The following MYH7B variants were observed in gnomAD, a reference collection of about 807,000 sequenced individuals.
The protein encoded by MYH7B is myosin heavy chain 7B.
Under a neutral mutation model 234.5 loss-of-function variants are expected in MYH7B, and 205 were observed. That is an observed-to-expected ratio of 0.87 (90% CI 0.78 to 0.98). The LOEUF (loss-of-function observed/expected upper bound fraction) is 0.98, where lower values mean the gene tolerates loss of function less well. Ranked by LOEUF, MYH7B falls within the 50% of genes least tolerant of loss-of-function variation. The pLI, the probability that MYH7B is intolerant of heterozygous loss-of-function variation, is 0.00. For missense variants in MYH7B, 2,652 were observed against 2,633.4 expected (o/e 1.01, Z -0.15); for synonymous variants, 1,193 against 1,105.0 (o/e 1.08, Z -1.58).
rs376994482 is a variant in MYH7B at position 34,993,071 on chromosome 20, T to C, written c.2184-31T>C. On this transcript the variant is annotated intron_variant, in intron 24 of 44. Coordinates refer to ENST00000262873, the Ensembl canonical transcript of MYH7B. ...GTGGCCTGTGCCCCATACCCAGCCC[T>C]CTCCTGACCAGCTCTGCCCTCCTTT... The C allele has an allele frequency of 1.8e-4, 288 of 1,598,644 alleles. No homozygotes were observed. In the African/African-American group the frequency reaches 3.4e-3, roughly 19 times the overall value.
chr20:34,991,175 G>C, intron 24 of MYH7B, 54 bp downstream of exon 24: 1 of 1,303,534 alleles, frequency 7.7e-7, no homozygotes, highest in Non-Finnish European at 1.1e-6. Flanking sequence ...TGAGGGGCTG[G>C]GCAGGACACA....
At chr20:35,002,426 T>TAATA (rs2082412595) in exon 45 of MYH7B, 2 of 414,490 alleles carry the variant, frequency 4.8e-6, no homozygotes, top group South Asian at 2.0e-4. Flanking sequence ...TAAAGTTATT[T>TAATA]AATAGTCTCC....
At chr20:34,977,775 C>G in intron 4 of MYH7B, 95 bp downstream of exon 4, 1 of 1,506,558 alleles carries the variant, frequency 6.6e-7, no homozygotes, top group East Asian at 2.3e-5. Flanking sequence ...TCTTCTGAAT[C>G]TGGAGTGGAG....
chr20:34,978,721 G>A (rs937158618), intron 5 of MYH7B, among the ~76,000 whole-genome samples: 13 of 152,136 alleles, frequency 8.5e-5, no homozygotes, highest in African/African-American at 2.2e-4. Flanking sequence ...TGCTGTTGCC[G>A]TCTTGAAAGT....
intron 2 of MYH7B, among the ~76,000 whole-genome samples, chr20:34,970,144 G>A (rs569763825): frequency 1.5e-4 from 23 of 152,278 alleles, no homozygotes; most frequent in Middle Eastern, 3.4e-3. Context: ...CTTGAGACAT[G>A]TTGAGACTCA....
At chr20:34,967,441 G>A (rs1047585072) in intron 2 of MYH7B, among the ~76,000 whole-genome samples, 1 of 151,892 alleles carries the variant, frequency 6.6e-6, no homozygotes, top group East Asian at 1.9e-4. Flanking sequence ...AATATAGAGC[G>A]GTGGTACCCT....
intron 2 of MYH7B, among the ~76,000 whole-genome samples, chr20:34,974,029 A>T (rs1398839292): frequency 1.1e-4 from 16 of 148,880 alleles, no homozygotes; most frequent in Non-Finnish European, 1.8e-4. Flanking sequence ...GGTTCAAGTG[A>T]TTCTCCTGCC....
rs1357429722 is a variant in MYH7B at position 34,984,052 on chromosome 20, C to CA, written c.625-639dup. ...GGCGTCCAGGCGGCAGGATGCTGGG[C>CA]ACCTGCCCTGCCGCTCCTGACTTGC... On this transcript the variant is annotated intron_variant, in intron 10 of 44. Coordinates refer to ENST00000262873, the Ensembl canonical transcript of MYH7B. Among the ~76,000 whole-genome samples the CA allele has an allele frequency of 2.6e-5, 4 of 152,332 alleles. No homozygotes were observed. The East Asian group carries it at 7.7e-4, about 29-fold the overall frequency.
chr20:34,992,110 G>T (rs1178014793), intron 24 of MYH7B, among the ~76,000 whole-genome samples: 1 of 152,214 alleles, frequency 6.6e-6, no homozygotes, highest in African/African-American at 2.4e-5. Flanking sequence ...AATGGGCTGG[G>T]CGCGGTGGCT....
chr20:34,994,076 C>A, intron 26 of MYH7B, 70 bp from the exon 27 acceptor site: 1 of 1,565,882 alleles, frequency 6.4e-7, no homozygotes, highest in Non-Finnish European at 8.7e-7. Context: ...AACAAGTGAA[C>A]TGTGCTGAGT....
At chr20:34,977,729 GGCGGGTGGGTGA>G in intron 4 of MYH7B, 49 bp downstream of exon 4, 1 of 1,391,544 alleles carries the variant, frequency 7.2e-7, no homozygotes, top group Non-Finnish European at 9.9e-7. Flanking sequence ...CAGGAGGGTG[GGCGGGTGGGTGA>G]GGGTGCCCAT....
At chr20:34,990,533 A>T in intron 22 of MYH7B, 1 of 820,306 alleles carries the variant, frequency 1.2e-6, no homozygotes, top group Non-Finnish European at 2.2e-6. Flanking sequence ...GGGCTCTGGG[A>T]GGGACGGGGA....
Position 34,996,330 on chromosome 20 carries a change from C to T in MYH7B, c.2944-16C>T. 1.3e-6 allele frequency: 2 copies of T among 1,567,588 alleles called. No individual in the cohort carries two copies. The highest frequency in any genetic ancestry group is 2.4e-5 in the East Asian group (1 of 42,102). On this transcript the variant is annotated splice_polypyrimidine_tract_variant and intron_variant, in intron 28 of 44. Transcript: ENST00000262873. ...CGGGGAAGGGCGTCCCCATTCTGGCCCTGGCCCTGGCACAGGTGAAGAACC... is the reference window on the plus strand; with the variant it reads ...CGGGGAAGGGCGTCCCCATTCTGGCTCTGGCCCTGGCACAGGTGAAGAACC...
chr20:34,999,212 G>A, exon 36 of MYH7B: 1 of 1,612,270 alleles, frequency 6.2e-7, no homozygotes, highest in South Asian at 1.1e-5. Flanking sequence ...CTGCTGCGCT[G>A]GACAAGAAGC....
At position 34,990,975 on chromosome 20, in the gene MYH7B, C is replaced by G. The variant is rs138164961; in HGVS notation, c.2066-29C>G. ...TGGGGCCTGCGGGTGTGCCTGTTGACCTCTGACCTTTTCCCCTCTCACGTC... is the reference window on the plus strand; with the variant it reads ...TGGGGCCTGCGGGTGTGCCTGTTGAGCTCTGACCTTTTCCCCTCTCACGTC... On this transcript the variant is annotated intron_variant, in intron 23 of 44. Coordinates refer to ENST00000262873, the Ensembl canonical transcript of MYH7B. The G allele has an allele frequency of 7.0e-4, 1,110 of 1,595,352 alleles. 9 individuals carry two copies. The African/African-American group carries it at 0.013, about 19-fold the overall frequency.
chr20:34,994,378 G>A (rs1417878059), exon 27 of MYH7B: 2 of 1,588,578 alleles, frequency 1.3e-6, no homozygotes, highest in Admixed American at 1.8e-5. Flanking sequence ...GGAGAAGAAT[G>A]ACCTGGCCCT....
exon 22 of MYH7B, chr20:34,990,307 C>T: frequency 6.2e-7 from 1 of 1,614,156 alleles, no homozygotes; most frequent in East Asian, 2.2e-5. Context: ...CCCAGCTGCA[C>T]AAGGTAAGGC....
At chr20:34,972,064 G>A (rs564218984) in intron 2 of MYH7B, among the ~76,000 whole-genome samples, 28 of 152,192 alleles carry the variant, frequency 1.8e-4, no homozygotes, top group Admixed American at 1.4e-3. Context: ...GCTCTCACCC[G>A]GGTGACAGCA....
exon 6 of MYH7B, chr20:34,979,409 G>T (rs1374288170): frequency 6.2e-7 from 1 of 1,613,502 alleles, no homozygotes; most frequent in African/African-American, 1.3e-5. Context: ...GAGTCTGGGT[G>T]CCTGATGAAC....
Sources: allele counts gnomAD v4.1 joint callset (sites outside exome capture counted in the v4.1 genomes callset), GRCh38; gene constraint gnomAD v4.1.1; transcripts MANE v1.5; gene names NCBI Gene and HGNC (gene_info 2026-07-23, HGNC 2026-07-21).